Variants in GGNBP2 observed in about 807,000 individuals in gnomAD.
The protein encoded by GGNBP2 is gametogenetin binding protein 2.
In GGNBP2, 10 loss-of-function variants were observed where a neutral mutation model predicts 85.9. That is an observed-to-expected ratio of 0.12 (90% CI 0.07 to 0.20). The LOEUF is 0.20. Among genes scored for constraint, GGNBP2 ranks in the 10% least tolerant of loss-of-function variants. The probability of loss-of-function intolerance (pLI) is 1.00; values close to 1 mark genes in which losing one functional copy is unlikely to be tolerated. For synonymous variants in GGNBP2, 287 were observed against 285.7 expected, an observed-to-expected ratio of 1.00 and a Z score of -0.05; for missense variants, 595 against 857.8, an observed-to-expected ratio of 0.69 and a Z score of 3.83.
intron 13 of GGNBP2, among the ~76,000 whole-genome samples, chr17:36,588,748 A>T (rs2142797657): frequency 6.6e-6 from 1 of 152,204 alleles, no homozygotes; most frequent in East Asian, 1.9e-4. Context: ...TACAGGTGTG[A>T]GCCACCACCT....
intron 4 of GGNBP2, among the ~76,000 whole-genome samples, chr17:36,557,909 C>T (rs182355762): frequency 1.1e-4 from 16 of 150,316 alleles, no homozygotes; most frequent in Admixed American, 2.0e-4. Context: ...GTCTGGAGGT[C>T]GAGACCATCC....
chr17:36,588,157 C>G (rs953352347), intron 13 of GGNBP2, among the ~76,000 whole-genome samples: 12 of 152,224 alleles, frequency 7.9e-5, no homozygotes, highest in African/African-American at 2.9e-4. Flanking sequence ...CCAACTGACC[C>G]AGTGCGTAGT....
intron 5 of GGNBP2, among the ~76,000 whole-genome samples, chr17:36,566,067 T>TA (rs2142733912): frequency 6.6e-6 from 1 of 152,300 alleles, no homozygotes; most frequent in Admixed American, 6.5e-5. Flanking sequence ...GGTTGAGAAA[T>TA]ACCCATTTAG....
intron 6 of GGNBP2, among the ~76,000 whole-genome samples, chr17:36,569,655 A>G (rs994033996): frequency 6.6e-6 from 1 of 152,196 alleles, no homozygotes; most frequent in Non-Finnish European, 1.5e-5. Flanking sequence ...TCTTTTTTCA[A>G]TTAAAAACTT....
chr17:36,570,351 G>A (rs1217157356), intron 6 of GGNBP2, among the ~76,000 whole-genome samples: 1 of 152,132 alleles, frequency 6.6e-6, no homozygotes, highest in Non-Finnish European at 1.5e-5. Context: ...TTGTACCACT[G>A]CACTCCAGCT....
intron 13 of GGNBP2, among the ~76,000 whole-genome samples, chr17:36,588,112 G>A (rs1169069184): frequency 6.6e-6 from 1 of 152,168 alleles, no homozygotes; most frequent in Admixed American, 6.5e-5. Flanking sequence ...GTCATGTAGG[G>A]TAAGACTCCA....
At chr17:36,565,489 TATA>T (rs1311311850) in intron 5 of GGNBP2, among the ~76,000 whole-genome samples, 5 of 152,200 alleles carry the variant, frequency 3.3e-5, no homozygotes, top group Non-Finnish European at 7.3e-5. Context: ...ATTCTAATGA[TATA>T]ATAATCATTC....
In GGNBP2 at chr17:36,586,981, T is replaced by C. The variant is rs1194204333; in HGVS notation, c.1642-16T>C. ...TCATGCCTTTTTACCTGTGAAATCC[T>C]TTGCTGTGGTATCAGATCCAGAAGC... On this transcript the variant is annotated splice_polypyrimidine_tract_variant and intron_variant, in intron 12 of 13. Coordinates refer to ENST00000613102, the MANE Select transcript of GGNBP2 (RefSeq NM_024835.5). 31 of 1,610,062 alleles carry C rather than the reference T, an allele frequency of 1.9e-5. No homozygotes were observed. Among genetic ancestry groups the C allele is most frequent in the Non-Finnish European group, 2.6e-5 (31 of 1,176,848 alleles).
intron 13 of GGNBP2, among the ~76,000 whole-genome samples, chr17:36,588,163 G>A (rs17619821): frequency 0.31 from 46,968 of 152,134 alleles, 8,491 homozygotes; most frequent in Non-Finnish European, 0.41. Context: ...GACCCAGTGC[G>A]TAGTATAGGT....
intron 6 of GGNBP2, among the ~76,000 whole-genome samples, chr17:36,568,319 C>G (rs1017721887): frequency 2.6e-5 from 4 of 151,010 alleles, no homozygotes; most frequent in Non-Finnish European, 5.9e-5. Flanking sequence ...CTTTTTGAGA[C>G]AGAGTTGCAC....
intron 7 of GGNBP2, chr17:36,578,515 G>T (rs1481658228): frequency 1.2e-5 from 3 of 242,832 alleles, no homozygotes; most frequent in Non-Finnish European, 2.4e-5. Context: ...ATTATCATGT[G>T]TAAATTTTAT....
Position 36,562,831 on chromosome 17 carries a change from G to A in GGNBP2, c.527+1960G>A, listed in dbSNP as rs150021283. ...AATATAAAAATTAGCCAGGCATGGT[G>A]GCACACATCTGTGATCCCAGCTACT... On this transcript the variant is annotated intron_variant, in intron 5 of 13. Coordinates refer to ENST00000613102, the MANE Select transcript of GGNBP2 (RefSeq NM_024835.5). Among the ~76,000 whole-genome samples, 77 of 151,738 alleles carry A rather than the reference G, an allele frequency of 5.1e-4. 2 individuals carry two copies. In the East Asian group the frequency reaches 0.013, roughly 25 times the overall value.
chr17:36,570,012 T>C (rs1369539054), intron 6 of GGNBP2, among the ~76,000 whole-genome samples: 2 of 152,188 alleles, frequency 1.3e-5, no homozygotes, highest in Non-Finnish European at 2.9e-5. Flanking sequence ...GGAGATTGTA[T>C]TGCATCTGGA....
chr17:36,575,600 G>A (rs1208474290), intron 6 of GGNBP2, among the ~76,000 whole-genome samples: 3 of 128,090 alleles, frequency 2.3e-5, no homozygotes, highest in Non-Finnish European at 4.7e-5. Flanking sequence ...TGGGCTTAGA[G>A]CCTCTAATGT....
chr17:36,545,581 C>T (rs1021837983), intron 1 of GGNBP2, 38 bp from the exon 2 acceptor site: 2 of 636,146 alleles, frequency 3.1e-6, no homozygotes, highest in Admixed American at 2.8e-5. Flanking sequence ...TGCTGCGCAG[C>T]GGCGGGTGCT....
chr17:36,553,310 T>C (rs2074328818), intron 2 of GGNBP2, among the ~76,000 whole-genome samples: 2 of 152,366 alleles, frequency 1.3e-5, no homozygotes, highest in Non-Finnish European at 1.5e-5. Context: ...ATTTGCATCA[T>C]AGTCTATCCT....
chr17:36,575,649 T>TATATATATATATATA (rs1491168966), intron 6 of GGNBP2, among the ~76,000 whole-genome samples: 5 of 37,826 alleles, frequency 1.3e-4, no homozygotes, highest in East Asian at 1.4e-3. Flanking sequence ...TATATATATA[T>TATATATATATATATA]TTTTTTTTTT....
intron 2 of GGNBP2, chr17:36,546,937 A>G (rs1252125336): frequency 1.3e-5 from 2 of 152,190 alleles, no homozygotes; most frequent in African/African-American, 4.8e-5. Context: ...GCCAGTCTCA[A>G]TTAAGACTTG....
intron 9 of GGNBP2, among the ~76,000 whole-genome samples, chr17:36,582,791 C>G (rs993773683): frequency 6.6e-6 from 1 of 152,114 alleles, no homozygotes; most frequent in African/African-American, 2.4e-5. Context: ...TAGAGCAGTT[C>G]TCAAGTTTTT....
Sources: gnomAD v4.1 joint callset for allele counts (sites outside exome capture counted in the v4.1 genomes callset) on GRCh38, gnomAD v4.1.1 for gene constraint, MANE v1.5 for transcripts, NCBI Gene and HGNC (gene_info 2026-07-23, HGNC 2026-07-21) for gene names.